Variants in ZC3H13 observed in about 807,000 individuals in gnomAD.
ZC3H13 encodes zinc finger CCCH-type containing 13, also known as zinc finger CCCH domain-containing protein 13.
ZC3H13 carries 64 observed loss-of-function variants against 204.1 expected under a neutral mutation model. The observed-to-expected ratio is 0.31, with a 90% confidence interval of 0.26 to 0.39. The LOEUF (loss-of-function observed/expected upper bound fraction) is 0.39. ZC3H13 is among the 10% of genes least tolerant of loss of function. ZC3H13 has a pLI of 1.00. For synonymous variants in ZC3H13, 667 were observed against 693.7 expected (o/e 0.96, Z 0.60); for missense variants, 1,833 against 2,082.7 (o/e 0.88, Z 2.33).
chr13:46,048,878 C>T (rs2044194145), intron 1 of ZC3H13, among the ~76,000 whole-genome samples: 1 of 152,146 alleles, frequency 6.6e-6, no homozygotes, highest in African/African-American at 2.4e-5. Flanking sequence ...CGCCTGTAAT[C>T]CCAGCACTTT....
At chr13:46,034,920 T>C (rs2043119403) in intron 4 of ZC3H13, among the ~76,000 whole-genome samples, 2 of 152,180 alleles carry the variant, frequency 1.3e-5, no homozygotes, top group South Asian at 4.1e-4. Context: ...AATATTTATA[T>C]ATACCAGTTA....
intron 4 of ZC3H13, among the ~76,000 whole-genome samples, chr13:46,027,724 T>C (rs373132768): frequency 6.6e-6 from 1 of 152,320 alleles, no homozygotes; most frequent in Middle Eastern, 3.4e-3. Flanking sequence ...TGAAGTAGTA[T>C]AGTGCTGTTT....
intron 4 of ZC3H13, among the ~76,000 whole-genome samples, chr13:46,034,860 T>A (rs575603783): frequency 6.6e-6 from 1 of 152,054 alleles, no homozygotes; most frequent in Non-Finnish European, 1.5e-5. Flanking sequence ...GTTAGAGAAA[T>A]CAGTAAAAAC....
chr13:46,019,035 T>C (rs2042074501), intron 5 of ZC3H13, among the ~76,000 whole-genome samples: 2 of 152,160 alleles, frequency 1.3e-5, no homozygotes, highest in Non-Finnish European at 2.9e-5. Context: ...CGGTATTAGG[T>C]TGGATTATGA....
intron 8 of ZC3H13, among the ~76,000 whole-genome samples, chr13:46,002,903 T>C (rs2040850010): frequency 1.6e-5 from 1 of 64,284 alleles, no homozygotes; most frequent in South Asian, 4.3e-4. Flanking sequence ...ATGAAGATGG[T>C]ACATTTTGTT....
intron 4 of ZC3H13, among the ~76,000 whole-genome samples, chr13:46,040,474 A>C (rs1346803576): frequency 6.6e-6 from 1 of 152,178 alleles, no homozygotes; most frequent in Non-Finnish European, 1.5e-5. Flanking sequence ...TATAAGAGCT[A>C]AAACCAGAAA....
intron 4 of ZC3H13, among the ~76,000 whole-genome samples, chr13:46,031,393 C>A (rs1328092765): frequency 2.0e-5 from 3 of 151,874 alleles, no homozygotes; most frequent in African/African-American, 7.3e-5. Flanking sequence ...GCAATGACAT[C>A]TTAGACACAT....
At chr13:46,013,010 C>T (rs547352222) in intron 5 of ZC3H13, among the ~76,000 whole-genome samples, 4 of 152,246 alleles carry the variant, frequency 2.6e-5, no homozygotes, top group South Asian at 2.1e-4. Context: ...TCTAAAAATT[C>T]GCAACTGGAA....
chr13:45,978,044 A>G (rs1690474215), intron 11 of ZC3H13, among the ~76,000 whole-genome samples: 1 of 152,060 alleles, frequency 6.6e-6, no homozygotes, highest in Non-Finnish European at 1.5e-5. Context: ...GTGTCTGTAC[A>G]TGCTGCACCC....
At chr13:46,045,296 AC>A in intron 2 of ZC3H13, 94 bp downstream of exon 2, 1 of 1,164,396 alleles carries the variant, frequency 8.6e-7, no homozygotes, top group Non-Finnish European at 1.2e-6. Context: ...AAACATTCCT[AC>A]AATAAAACAA....
chr13:45,969,564 G>A lies in ZC3H13; in HGVS notation c.2980C>T (p.Pro994Ser), dbSNP rs771538122. The A allele has an allele frequency of 6.2e-7, 1 of 1,607,532 alleles. No individual in the cohort carries two copies. Among genetic ancestry groups the A allele is most frequent in the South Asian group, 1.1e-5 (1 of 89,330 alleles). ...TTSEDGQVFSPKKGQKKKSIE... is the reference protein window; with the variant it reads ...TTSEDGQVFSSKKGQKKKSIE... ...CTTTTCTTTTTCTGTCCTTTTTTTG[G>A]TGAAAATACTTGACCATCTTCAGAT... The change falls in exon 14 of 19, where the codon CCA (proline) becomes TCA (serine). Residue 994 changes from proline (P) to serine (S), a missense_variant. By Grantham distance (74) the Pro-to-Ser change is moderately conservative. Coordinates refer to ENST00000679008, the MANE Select transcript of ZC3H13 (RefSeq NM_001330564.2).
Position 46,011,679 on chromosome 13 carries a change from T to A in ZC3H13, c.449-125A>T, listed in dbSNP as rs570191721. The stretch of plus-strand genomic sequence containing the variant: ...AGCAGAGTCTTTCATCAGGATCACA[T>A]ACTTCTAAAAGATAAAAGAAATAGA... On this transcript the variant is annotated intron_variant, in intron 5 of 18. Coordinates refer to ENST00000679008, the MANE Select transcript of ZC3H13 (RefSeq NM_001330564.2). The A allele has an allele frequency of 1.8e-5, 11 of 605,514 alleles. No individual in the cohort carries two copies. The South Asian group carries it at 4.0e-4, about 22-fold the overall frequency. 37.5% of individuals were successfully genotyped at this position (605,514 alleles called of 1,614,324 possible).
At chr13:46,025,432 A>G (rs1437739081) in intron 4 of ZC3H13, among the ~76,000 whole-genome samples, 2 of 152,020 alleles carry the variant, frequency 1.3e-5, no homozygotes, top group African/African-American at 4.8e-5. Flanking sequence ...TCAGCCTCCC[A>G]CAGCTGGAAC....
chr13:46,008,321 A>C (rs1292172310), intron 7 of ZC3H13, among the ~76,000 whole-genome samples: 1 of 10,310 alleles, frequency 9.7e-5, no homozygotes, highest in Non-Finnish European at 1.6e-4. Flanking sequence ...TTATACTCCA[A>C]AAAAAAAAAA....
chr13:45,969,989 G>A lies in ZC3H13; in HGVS notation c.2573-18C>T. ...TTTTTCATCTATATAAAAGATAAAA[G>A]CAATCACACTCTCACCAGGTTAGTA... On this transcript the variant is annotated intron_variant, in intron 13 of 18. Transcript: ENST00000679008. 6.3e-7 allele frequency: 1 copy of A among 1,585,870 alleles called. No homozygotes were observed. The highest frequency in any genetic ancestry group is 8.5e-7 in the Non-Finnish European group (1 of 1,170,430).
chr13:45,971,338 G>A (rs1307902696), intron 12 of ZC3H13, among the ~76,000 whole-genome samples: 1 of 152,006 alleles, frequency 6.6e-6, no homozygotes, highest in Non-Finnish European at 1.5e-5. Context: ...TGTATACATG[G>A]ACCAATGGAA....
At position 45,967,560 on chromosome 13, in the gene ZC3H13, C is replaced by A; in HGVS notation, c.4265G>T (p.Gly1422Val). ...TGTTTCTTCAAATCCCTGCACAGAT[C>A]CCAGATCTTTATCCATTCTCTCTTT... ...LDKERMDKDL[G>V]SVQGFEETNK... The change falls in exon 15 of 19, where the codon GGA becomes GTA. Residue 1422 changes from glycine (G) to valine (V), a missense_variant. Gly to Val is a moderately radical substitution (Grantham distance 109). Around this residue, in one of 5 missense-constraint regions of ZC3H13, gnomAD observed 1,574 missense variants for 1,757.2 expected, o/e 0.90. Coordinates refer to ENST00000679008, the MANE Select transcript of ZC3H13 (RefSeq NM_001330564.2). 1 of 1,608,370 alleles carries A rather than the reference C, an allele frequency of 6.2e-7. No individual in the cohort carries two copies. The highest frequency in any genetic ancestry group is 1.1e-5 in the South Asian group (1 of 90,116).
intron 5 of ZC3H13, among the ~76,000 whole-genome samples, chr13:46,018,069 A>T (rs1379206254): frequency 6.6e-6 from 1 of 152,148 alleles, no homozygotes; most frequent in Non-Finnish European, 1.5e-5. Flanking sequence ...GAATACAAGG[A>T]GCCTCCGTGT....
chr13:46,019,968 A>T (rs956235196), intron 5 of ZC3H13, among the ~76,000 whole-genome samples: 25 of 152,026 alleles, frequency 1.6e-4, no homozygotes, highest in Non-Finnish European at 1.8e-4. Flanking sequence ...AAGAAAAAAA[A>T]TTTTTTTGCT....
Sources: gnomAD v4.1 joint callset for allele counts (sites outside exome capture counted in the v4.1 genomes callset) on GRCh38, gnomAD v4.1.1 for gene constraint, gnomAD v4.1.1 regional missense constraint, MANE v1.5 for transcripts, NCBI Gene and HGNC (gene_info 2026-07-23, HGNC 2026-07-21) for gene names.